The following GABRB1 variants were observed in gnomAD, a reference collection of about 807,000 sequenced individuals.
GABRB1 encodes gamma-aminobutyric acid type A receptor subunit beta1, also known as gamma-aminobutyric acid receptor subunit beta-1.
Under a neutral mutation model 51.6 loss-of-function variants are expected in GABRB1, and 17 were observed. The observed-to-expected ratio is 0.33, with a 90% CI of 0.23 to 0.49. The LOEUF (loss-of-function observed/expected upper bound fraction) is 0.49, where lower values mean the gene tolerates loss of function less well. Among genes scored for constraint, GABRB1 ranks in the 20% least tolerant of loss-of-function variants. The pLI, the probability that GABRB1 is intolerant of heterozygous loss-of-function variation, is 0.99. For missense variants in GABRB1, 410 were observed against 600.6 expected (o/e 0.68, Z 3.32); for synonymous variants, 247 against 218.9 (o/e 1.13, Z -1.14).
intron 5 of GABRB1, among the ~76,000 whole-genome samples, chr4:47,386,510 T>C: frequency 6.6e-6 from 1 of 152,212 alleles, no homozygotes; most frequent in Non-Finnish European, 1.5e-5. Flanking sequence ...TACTTCACTG[T>C]GTATTGGGGC....
At chr4:47,338,219 G>A (rs1409245346) in intron 5 of GABRB1, among the ~76,000 whole-genome samples, 2 of 152,132 alleles carry the variant, frequency 1.3e-5, no homozygotes, top group African/African-American at 2.4e-5. Context: ...ATGACAAAGT[G>A]CTATTTGTCT....
chr4:47,169,034 A>G (rs1329452524), intron 4 of GABRB1, among the ~76,000 whole-genome samples: 1 of 152,080 alleles, frequency 6.6e-6, no homozygotes, highest in East Asian at 1.9e-4. Flanking sequence ...TCTCACTTCA[A>G]CTTGATTACC....
chr4:47,170,151 C>T (rs955026538), intron 4 of GABRB1, among the ~76,000 whole-genome samples: 2 of 151,950 alleles, frequency 1.3e-5, no homozygotes, highest in South Asian at 4.2e-4. Flanking sequence ...TTTGATAACT[C>T]CTCTACCATA....
At chr4:47,135,099 A>C (rs1040892490) in intron 3 of GABRB1, among the ~76,000 whole-genome samples, 1 of 152,190 alleles carries the variant, frequency 6.6e-6, no homozygotes, top group South Asian at 2.1e-4. Flanking sequence ...CAGTGTGGGC[A>C]ACAGAGCAAG....
At chr4:47,066,313 G>A (rs1727080096) in intron 3 of GABRB1, among the ~76,000 whole-genome samples, 1 of 152,184 alleles carries the variant, frequency 6.6e-6, no homozygotes, top group Admixed American at 6.5e-5. Flanking sequence ...ACTGATCAGG[G>A]TGGTGGTTGC....
intron 1 of GABRB1, among the ~76,000 whole-genome samples, chr4:46,995,869 A>G (rs967986770): frequency 3.3e-5 from 5 of 152,192 alleles, no homozygotes; most frequent in African/African-American, 9.6e-5. Context: ...ACATTCTTTC[A>G]GAGTAGCTAC....
chr4:47,040,117 A>C (rs1725773808), intron 3 of GABRB1, among the ~76,000 whole-genome samples: 2 of 152,152 alleles, frequency 1.3e-5, no homozygotes, highest in Non-Finnish European at 2.9e-5. Flanking sequence ...CTCCACTTTC[A>C]TTTTAAAAAG....
intron 5 of GABRB1, among the ~76,000 whole-genome samples, chr4:47,340,477 A>G (rs1725844398): frequency 6.6e-6 from 1 of 152,144 alleles, no homozygotes; most frequent in South Asian, 2.1e-4. Context: ...TATTTCTTAC[A>G]GTTCTACAGT....
chr4:47,078,074 C>T (rs1727653622), intron 3 of GABRB1, among the ~76,000 whole-genome samples: 1 of 148,376 alleles, frequency 6.7e-6, no homozygotes. Flanking sequence ...ACCGCAACCT[C>T]TACCTTCCGG....
At chr4:47,423,481 A>G (rs777455487) in intron 8 of GABRB1, among the ~76,000 whole-genome samples, 4 of 152,224 alleles carry the variant, frequency 2.6e-5, no homozygotes, top group Non-Finnish European at 5.9e-5. Flanking sequence ...ATTCTGTTGT[A>G]AAAGTCAGTG....
chr4:47,059,402 G>A (rs2109524457), intron 3 of GABRB1, among the ~76,000 whole-genome samples: 1 of 152,118 alleles, frequency 6.6e-6, no homozygotes, highest in South Asian at 2.1e-4. Context: ...AAATTCCTGG[G>A]CTCAAGCAGT....
chr4:47,134,338 G>C (rs543076510), intron 3 of GABRB1, among the ~76,000 whole-genome samples: 9 of 152,184 alleles, frequency 5.9e-5, no homozygotes, highest in African/African-American at 1.9e-4. Flanking sequence ...TAATTGGGGA[G>C]AGAAGTATAT....
chr4:47,254,566 G>T (rs1023253922), intron 4 of GABRB1, among the ~76,000 whole-genome samples: 1 of 151,526 alleles, frequency 6.6e-6, no homozygotes, highest in African/African-American at 2.4e-5. Flanking sequence ...TAGAGACGGG[G>T]TTTCACCGTG....
chr4:47,107,902 A>C (rs916928613), intron 3 of GABRB1, among the ~76,000 whole-genome samples: 2 of 152,078 alleles, frequency 1.3e-5, no homozygotes, highest in African/African-American at 4.8e-5. Context: ...ATGACAGAGA[A>C]ACCCAGAAAA....
rs546611843 is a variant in GABRB1 at position 47,280,634 on chromosome 4, C to T, written c.462-39493C>T. 3.3e-5 allele frequency among the ~76,000 whole-genome samples: 5 copies of T among 151,584 alleles called. No homozygotes were observed. In the South Asian group the frequency reaches 8.3e-4, roughly 25 times the overall value. On this transcript the variant is annotated intron_variant, in intron 4 of 8. Coordinates refer to ENST00000295454, the MANE Select transcript of GABRB1 (RefSeq NM_000812.4). ...AAGTTTTTATCTCACCATCCCCCAA[C>T]ACTATTTTATTTTTTTTTATTTTAA...
chr4:47,145,461 G>A (rs1717121012), intron 3 of GABRB1, among the ~76,000 whole-genome samples: 1 of 152,010 alleles, frequency 6.6e-6, no homozygotes, highest in African/African-American at 2.4e-5. Context: ...GCTGTCCAGA[G>A]TGTCTTCTTC....
intron 5 of GABRB1, among the ~76,000 whole-genome samples, chr4:47,393,490 G>A (rs929822739): frequency 6.6e-5 from 10 of 152,084 alleles, no homozygotes; most frequent in Non-Finnish European, 1.2e-4. Context: ...CTCAATCCTG[G>A]CTACCTAATT....
At chr4:47,016,835 T>A (rs930048224) in intron 1 of GABRB1, among the ~76,000 whole-genome samples, 1 of 152,104 alleles carries the variant, frequency 6.6e-6, no homozygotes. Flanking sequence ...GGTGATCCAC[T>A]GACCTCAGTC....
chr4:47,178,474 G>A (rs958308493), intron 4 of GABRB1, among the ~76,000 whole-genome samples: 4 of 151,664 alleles, frequency 2.6e-5, no homozygotes, highest in Non-Finnish European at 5.9e-5. Context: ...TTTTGTACGT[G>A]CTGAGACTTT....
Sources: allele counts gnomAD v4.1 joint callset (sites outside exome capture counted in the v4.1 genomes callset), GRCh38; gene constraint gnomAD v4.1.1; transcripts MANE v1.5; gene names NCBI Gene and HGNC (gene_info 2026-07-23, HGNC 2026-07-21).